C1QTNF4: variants seen among roughly 807,000 people sequenced by gnomAD.
The protein encoded by C1QTNF4 is complement C1q tumor necrosis factor-related protein 4.
C1QTNF4 carries 12 observed loss-of-function variants against 14.6 expected under a neutral mutation model. The ratio of observed to expected loss-of-function variants is 0.82; its 90% CI spans 0.53 to 1.33. The LOEUF is 1.33. C1QTNF4 is among the 40% of genes most tolerant of loss of function. C1QTNF4 has a pLI of 0.00. For synonymous variants in C1QTNF4, 278 were observed against 246.6 expected (o/e 1.13, Z -1.19); for missense variants, 558 against 500.3 (o/e 1.12, Z -1.10).
intron 1 of C1QTNF4, 135 bp from the exon 2 acceptor site, chr11:47,590,950 T>C: frequency 7.4e-7 from 1 of 1,359,714 alleles, no homozygotes; most frequent in East Asian, 2.6e-5. Context: ...TTTTCCTACA[T>C]CCTTGGATTC....
At chr11:47,590,946 T>C (rs2097275301) in intron 1 of C1QTNF4, 131 bp from the exon 2 acceptor site, 6 of 1,368,376 alleles carry the variant, frequency 4.4e-6, no homozygotes, top group Admixed American at 6.2e-5. Flanking sequence ...TCAATTTTCC[T>C]ACATCCTTGG....
chr11:47,589,844 G>A lies in C1QTNF4; in HGVS notation c.967C>T (p.Leu323Phe). The change falls in exon 2 of 2, where the codon CTC becomes TTC. Residue 323 changes from leucine to phenylalanine, a missense_variant. By Grantham distance (22) the Leu-to-Phe change is conservative (BLOSUM62 0). Transcript: ENST00000302514. Reference sequence around the variant, plus strand: ...GCTCACAGTAGCTCCGAGGCCCCGAGGCCCGGCGGGGCGGCGGGGGCGAGG... The same window carrying A: ...GCTCACAGTAGCTCCGAGGCCCCGAAGCCCGGCGGGGCGGCGGGGGCGAGG... ...PDLAPAAPPGLGASELL is the reference protein window; with the variant it reads ...PDLAPAAPPGFGASELL 4 of 1,546,912 alleles carry A rather than the reference G, an allele frequency of 2.6e-6. No individual in the cohort carries two copies. Among genetic ancestry groups the A allele is most frequent in the East Asian group, 2.5e-5 (1 of 40,658 alleles).
In C1QTNF4 at chr11:47,590,763, G is replaced by A. The variant is rs1215164076; in HGVS notation, c.48C>T (p.Ala16=). ...LGLLGPAACW[A]LGPTPGPGSS... is the part of the protein sequence containing the mutation. ...ATCCCGGGCCGGGGGTCGGGCCCAG[G>A]GCCCAGCAGGCCGCTGGGCCCAGCA... The change falls in exon 2 of 2, where the codon GCC becomes GCT. Residue 16 remains alanine, a synonymous_variant. Transcript: ENST00000302514. The A allele has an allele frequency of 1.3e-6, 2 of 1,564,536 alleles. No individual in the cohort carries two copies. Among genetic ancestry groups the A allele is most frequent in the East Asian group, 4.7e-5 (2 of 42,922 alleles).
At chr11:47,592,791 C>T (rs989904572) in intron 1 of C1QTNF4, among the ~76,000 whole-genome samples, 6 of 151,706 alleles carry the variant, frequency 4.0e-5, no homozygotes, top group African/African-American at 9.7e-5. Flanking sequence ...ATGTGCAGAA[C>T]GTCCCAGCTA....
rs140490588 is a variant in C1QTNF4 at position 47,591,246 on chromosome 11, T to C, written c.-5-431A>G. On this transcript the variant is annotated intron_variant, in intron 1 of 1. Transcript: ENST00000302514. The stretch of plus-strand genomic sequence containing the variant: ...GGTGCGCACCATCACGCCCAGCTAA[T>C]TTTTTGTATCTTTAGTAGAGACGGG... Among the ~76,000 whole-genome samples the C allele has an allele frequency of 1.5e-3, 230 of 151,404 alleles. 4 individuals carry two copies. The East Asian group carries it at 0.038, about 25-fold the overall frequency.
rs1486076416 is a variant in C1QTNF4 at position 47,589,836 on chromosome 11, G to A, written c.975C>T (p.Ala325=). ...GGCCCGGGGCTCACAGTAGCTCCGA[G>A]GCCCCGAGGCCCGGCGGGGCGGCGG... is the stretch of plus-strand genomic sequence containing the variant. ...LAPAAPPGLG[A]SELL is the part of the protein sequence containing the mutation. The change falls in exon 2 of 2, where the codon GCC becomes GCT. Residue 325 remains alanine (A), a synonymous_variant. Coordinates refer to ENST00000302514, the MANE Select transcript of C1QTNF4 (RefSeq NM_031909.3). 3.2e-6 allele frequency: 5 copies of A among 1,543,374 alleles called. No homozygotes were observed. The highest frequency in any genetic ancestry group is 2.0e-5 in the Admixed American group (1 of 49,858).
In C1QTNF4 at chr11:47,590,415, C is replaced by G; in HGVS notation, c.396G>C (p.Val132=). The G allele has an allele frequency of 6.7e-7, 1 of 1,498,898 alleles. No individual in the cohort carries two copies. Among genetic ancestry groups the G allele is most frequent in the Non-Finnish European group, 8.8e-7 (1 of 1,130,412 alleles). The allele number at this position is 1,498,898 out of a possible 1,614,324, so 92.8% of individuals were successfully genotyped here. Residue 132 remains valine (V), a synonymous_variant, in exon 2 of 2, where the codon GTG becomes GTC. Transcript: ENST00000302514. ...GCGGGGCGCCATGCAGCCGCAGCCA[C>G]ACTGTGTCGCCGTAGTCGAGCTGCA... ...AMLQLDYGDT[V]WLRLHGAPQY...
chr11:47,590,373 C>T lies in C1QTNF4; in HGVS notation c.438G>A (p.Ala146=), dbSNP rs1416470488. The T allele has an allele frequency of 7.2e-7, 1 of 1,391,326 alleles. No individual in the cohort carries two copies. The highest frequency in any genetic ancestry group is 9.2e-7 in the Non-Finnish European group (1 of 1,082,474). The allele number at this position is 1,391,326 out of a possible 1,614,324, so 86.2% of individuals were successfully genotyped here. ...LHGAPQYALG[A]PGATFSGYLV... ...GGTAGCCGCTGAAGGTGGCGCCGGG[C>T]GCGCCTAGCGCGTACTGCGGGGCGC... Residue 146 remains alanine, a synonymous_variant, in exon 2 of 2, where the codon GCG becomes GCA. Coordinates refer to ENST00000302514, the MANE Select transcript of C1QTNF4 (RefSeq NM_031909.3).
At position 47,589,985 on chromosome 11, in the gene C1QTNF4, G is replaced by A. The variant is rs1015430759; in HGVS notation, c.826C>T (p.Leu276=). ...RREMQSQSVM[L]ALRRGDAVWL... ...ACGGCGTCGCCGCGCCGCAGGGCCA[G>A]CATCACGCTCTGGCTCTGCATCTCG... The change falls in exon 2 of 2, where the codon CTG becomes TTG. Residue 276 remains leucine (L), a synonymous_variant. Coordinates refer to ENST00000302514, the MANE Select transcript of C1QTNF4 (RefSeq NM_031909.3). The A allele has an allele frequency of 6.2e-7, 1 of 1,611,678 alleles. No homozygotes were observed. The highest frequency in any genetic ancestry group is 8.5e-7 in the Non-Finnish European group (1 of 1,178,570).
Position 47,590,177 on chromosome 11 carries a change from C to A in C1QTNF4, c.634G>T (p.Gly212Cys). 1 of 1,598,226 alleles carries A rather than the reference C, an allele frequency of 6.3e-7. No homozygotes were observed. The highest frequency in any genetic ancestry group is 2.3e-5 in the East Asian group (1 of 44,310). Residue 212 changes from glycine to cysteine, a missense_variant, in exon 2 of 2, where the codon GGC becomes TGC. Coordinates refer to ENST00000302514, the MANE Select transcript of C1QTNF4 (RefSeq NM_031909.3). ...ACGCCGGCCGCCGCGTCGAAGTCGCCGCCAATGTTGACGAACTCGGTGTCG... is the reference window on the plus strand; with the variant it reads ...ACGCCGGCCGCCGCGTCGAAGTCGCAGCCAATGTTGACGAACTCGGTGTCG... ...AFDTEFVNIG[G>C]DFDAAAGVFR...
At chr11:47,591,445 G>A (rs1352454318) in intron 1 of C1QTNF4, among the ~76,000 whole-genome samples, 5 of 145,964 alleles carry the variant, frequency 3.4e-5, no homozygotes, top group African/African-American at 1.3e-4. Flanking sequence ...CTGGAGTGCA[G>A]TGGCTTGATC....
At chr11:47,592,490 G>A (rs998553480) in intron 1 of C1QTNF4, among the ~76,000 whole-genome samples, 1 of 152,194 alleles carries the variant, frequency 6.6e-6, no homozygotes, top group Admixed American at 6.5e-5. Flanking sequence ...ATCTGGTCCA[G>A]TTCTTGACGT....
rs1050834275 is a variant in C1QTNF4, at chr11:47,590,199, G to A, written c.612C>T (p.Asp204=). 6 of 1,585,880 alleles carry A rather than the reference G, an allele frequency of 3.8e-6. No homozygotes were observed. The African/African-American group carries it at 8.1e-5, about 21-fold the overall frequency. Residue 204 remains aspartate, a synonymous_variant, in exon 2 of 2, where the codon GAC becomes GAT. Transcript: ENST00000302514. ...PGPRHQPLAF[D]TEFVNIGGDF... is the part of the protein sequence containing the mutation. Reference sequence around the variant, plus strand: ...CGCCGCCAATGTTGACGAACTCGGTGTCGAAGGCGAGTGGTTGGTGCCGCG... The same window carrying A: ...CGCCGCCAATGTTGACGAACTCGGTATCGAAGGCGAGTGGTTGGTGCCGCG...
At chr11:47,591,293 T>G (rs2097275500) in intron 1 of C1QTNF4, among the ~76,000 whole-genome samples, 1 of 152,136 alleles carries the variant, frequency 6.6e-6, no homozygotes, top group African/African-American at 2.4e-5. Context: ...TTGGCCAGGC[T>G]GGTCTTGAAC....
In C1QTNF4 at chr11:47,590,484, C is replaced by T. The variant is rs913922505; in HGVS notation, c.327G>A (p.Gln109=). Reference sequence around the variant, plus strand: ...CTGCGCGCCGCGCGCCTGGCCGCCGCTGCTCGTCGAAGGCCAGCGCCTGCA... The same window carrying T: ...CTGCGCGCCGCGCGCCTGGCCGCCGTTGCTCGTCGAAGGCCAGCGCCTGCA... ...DEVQALAFDE[Q]RRPGARRAAS... The change falls in exon 2 of 2, where the codon CAG becomes CAA. Residue 109 remains glutamine (Q), a synonymous_variant. Transcript: ENST00000302514. The T allele has an allele frequency of 3.9e-6, 6 of 1,542,788 alleles. No homozygotes were observed. Among genetic ancestry groups the T allele is most frequent in the Non-Finnish European group, 5.2e-6 (6 of 1,146,190 alleles).
Position 47,590,693 on chromosome 11 carries a change from G to T in C1QTNF4, c.118C>A (p.Leu40Met), listed in dbSNP as rs371580513. 2 of 1,610,762 alleles carry T rather than the reference G, an allele frequency of 1.2e-6. No homozygotes were observed. Among genetic ancestry groups the T allele is most frequent in the Non-Finnish European group, 1.7e-6 (2 of 1,179,152 alleles). ...SAFSAARTTP[L>M]EGTSEMAVTF... ...ACCGCCATCTCCGACGTGCCCTCCA[G>T]GGGGGTGGTGCGTGCCGCCGAGAAG... The change falls in exon 2 of 2, where the codon CTG becomes ATG. Residue 40 changes from leucine (L) to methionine (M), a missense_variant. Leu to Met is a conservative substitution (Grantham distance 15). Transcript: ENST00000302514.
rs1015109086 is a variant in C1QTNF4, at chr11:47,590,387, A to G, written c.424T>C (p.Tyr142His). The G allele has an allele frequency of 6.8e-7, 1 of 1,463,134 alleles. No individual in the cohort carries two copies. Among genetic ancestry groups the G allele is most frequent in the Non-Finnish European group, 9.0e-7 (1 of 1,115,556 alleles). 90.6% of individuals were successfully genotyped at this position (1,463,134 alleles called of 1,614,324 possible). The change falls in exon 2 of 2, where the codon TAC (tyrosine) becomes CAC (histidine). Residue 142 changes from tyrosine (Y) to histidine (H), a missense_variant. Physicochemically the swap from Tyr to His is moderately conservative, Grantham distance 83. Transcript: ENST00000302514. ...VWLRLHGAPQ[Y>H]ALGAPGATFS... ...GTGGCGCCGGGCGCGCCTAGCGCGTACTGCGGGGCGCCATGCAGCCGCAGC... is the reference window on the plus strand; with the variant it reads ...GTGGCGCCGGGCGCGCCTAGCGCGTGCTGCGGGGCGCCATGCAGCCGCAGC...
At position 47,590,023 on chromosome 11, in the gene C1QTNF4, G is replaced by A; in HGVS notation, c.788C>T (p.Ala263Val). Residue 263 changes from alanine to valine, a missense_variant, in exon 2 of 2, where the codon GCG becomes GTG. Transcript: ENST00000302514. ...EVQAMIYDDG[A>V]SRRREMQSQS... is the part of the protein sequence containing the mutation. The stretch of plus-strand genomic sequence containing the variant: ...GCTCTGCATCTCGCGGCGCCGCGAC[G>A]CGCCGTCGTCGTAAATCATGGCCTG... 1.2e-6 allele frequency: 2 copies of A among 1,611,906 alleles called. No homozygotes were observed. The highest frequency in any genetic ancestry group is 1.3e-5 in the African/African-American group (1 of 74,952).
Position 47,590,108 on chromosome 11 carries a change from G to C in C1QTNF4, c.703C>G (p.Leu235Val), listed in dbSNP as rs754367219. The C allele has an allele frequency of 1.4e-5, 23 of 1,611,436 alleles. 1 individual carries two copies. The South Asian group carries it at 2.4e-4, about 17-fold the overall frequency. The part of the protein sequence containing the change: ...LPGAYFFSFT[L>V]GKLPRKTLSV... ...AGCGTCTTACGCGGCAGCTTGCCCA[G>C]CGTGAAGGAGAAGAAGTAGGCGCCG... Residue 235 changes from leucine to valine, a missense_variant, in exon 2 of 2, where the codon CTG becomes GTG. Coordinates refer to ENST00000302514, the MANE Select transcript of C1QTNF4 (RefSeq NM_031909.3).
Sources: allele counts gnomAD v4.1 joint callset (sites outside exome capture counted in the v4.1 genomes callset), GRCh38; gene constraint gnomAD v4.1.1; transcripts MANE v1.5; gene names NCBI Gene and HGNC (gene_info 2026-07-23, HGNC 2026-07-21).